SEC24B: variants seen among roughly 807,000 people sequenced by gnomAD.
The protein encoded by SEC24B is SEC24 homolog B, COPII component, also known as protein transport protein Sec24B.
SEC24B carries 45 observed loss-of-function variants against 142.8 expected under a neutral mutation model. The observed-to-expected ratio is 0.32, with a 90% confidence interval of 0.25 to 0.40. The LOEUF (loss-of-function observed/expected upper bound fraction) is 0.40, where lower values mean the gene tolerates loss of function less well. Ranked by LOEUF, SEC24B falls within the 10% of genes least tolerant of loss-of-function variation. The pLI is 1.00. For missense variants in SEC24B, 1,409 were observed against 1,526.8 expected (o/e 0.92, Z 1.29); for synonymous variants, 574 against 568.2 (o/e 1.01, Z -0.15).
intron 11 of SEC24B, among the ~76,000 whole-genome samples, chr4:109,519,679 G>A (rs1723395541): frequency 6.6e-6 from 1 of 152,146 alleles, no homozygotes; most frequent in African/African-American, 2.4e-5. Context: ...CACATAACTT[G>A]TAGCTTTCTG....
At chr4:109,505,232 A>T (rs984907985) in intron 6 of SEC24B, among the ~76,000 whole-genome samples, 13 of 152,120 alleles carry the variant, frequency 8.5e-5, no homozygotes, top group Non-Finnish European at 1.5e-4. Context: ...AAATAAAATT[A>T]AAAAACCTGT....
rs1191202940 is a variant in SEC24B, at chr4:109,433,907, G to C, written c.38G>C (p.Ser13Thr). ...APAGSSHPAA[S>T]ARIPPKFGGA... is the part of the protein sequence containing the mutation. ...GCCGGGTCCTCTCACCCGGCCGCCA[G>C]CGCCCGGATCCCGCCCAAGTTCGGC... Residue 13 changes from serine (S) to threonine (T), a missense_variant, in exon 1 of 24, where the codon AGC (serine) becomes ACC (threonine). By Grantham distance (58) the Ser-to-Thr change is moderately conservative (BLOSUM62 1). This residue lies in a region of SEC24B where 709 missense variants were observed against 673.5 expected (regional missense o/e 1.05). Transcript: ENST00000265175. The C allele has an allele frequency of 7.5e-7, 1 of 1,339,790 alleles. No homozygotes were observed. The highest frequency in any genetic ancestry group is 1.5e-5 in the African/African-American group (1 of 65,452). The allele number at this position is 1,339,790 out of a possible 1,614,324, so 83.0% of individuals were successfully genotyped here.
Position 109,520,377 on chromosome 4 carries a change from A to T in SEC24B, c.2138A>T (p.Asp713Val). 1 of 1,600,754 alleles carries T rather than the reference A, an allele frequency of 6.2e-7. No homozygotes were observed. Among genetic ancestry groups the T allele is most frequent in the Non-Finnish European group, 8.5e-7 (1 of 1,170,832 alleles). The change falls in exon 12 of 24, where the codon GAT becomes GTT. Residue 713 changes from aspartate (D) to valine (V), a missense_variant. Transcript: ENST00000265175. ...LLENLDKLPG[D>V]SRTRIGFMTF... is the part of the protein sequence containing the mutation. ...ATTTTTATCTTTAGGCTTCCTGGAG[A>T]TTCACGAACAAGAATAGGATTCATG...
chr4:109,520,580 A>G, intron 12 of SEC24B, 96 bp downstream of exon 12: 1 of 766,698 alleles, frequency 1.3e-6, no homozygotes, highest in Admixed American at 2.2e-5. Context: ...CTGTGAGGAT[A>G]ATGTCATGCA....
chr4:109,489,179 G>A (rs772437781), intron 4 of SEC24B, among the ~76,000 whole-genome samples: 50 of 151,802 alleles, frequency 3.3e-4, no homozygotes, highest in Middle Eastern at 3.2e-3. Flanking sequence ...AATTCATTTA[G>A]TCATGAAGAT....
intron 20 of SEC24B, 36 bp from the exon 21 acceptor site, chr4:109,532,603 T>A: frequency 1.3e-6 from 2 of 1,488,072 alleles, no homozygotes; most frequent in Non-Finnish European, 1.9e-6. Context: ...ATGATAGTAA[T>A]GTAATCTCAT....
chr4:109,538,992 G>A (rs945714952), intron 23 of SEC24B, among the ~76,000 whole-genome samples: 4 of 150,602 alleles, frequency 2.7e-5, no homozygotes, highest in Admixed American at 2.0e-4. Flanking sequence ...ACAAAGTTTC[G>A]CTCTTGTCAC....
chr4:109,488,078 A>T (rs532270937), intron 4 of SEC24B, among the ~76,000 whole-genome samples: 2 of 152,162 alleles, frequency 1.3e-5, no homozygotes, highest in African/African-American at 4.8e-5. Context: ...TTTTTCTTAG[A>T]ATGCCCATGA....
intron 9 of SEC24B, among the ~76,000 whole-genome samples, chr4:109,513,334 A>C (rs918807436): frequency 2.1e-5 from 3 of 144,986 alleles, no homozygotes; most frequent in African/African-American, 7.8e-5. Context: ...CCTAGGCTGG[A>C]GTGCAGTGGT....
At chr4:109,477,136 C>G (rs1335182750) in intron 3 of SEC24B, among the ~76,000 whole-genome samples, 5 of 62,490 alleles carry the variant, frequency 8.0e-5, no homozygotes, top group Non-Finnish European at 1.3e-4. Context: ...GACTCCGTCT[C>G]AAATAAAAAA....
chr4:109,509,674 C>G (rs1737099830), intron 7 of SEC24B, among the ~76,000 whole-genome samples: 1 of 117,498 alleles, frequency 8.5e-6, no homozygotes, highest in Non-Finnish European at 1.6e-5. Flanking sequence ...AAGACTCCAT[C>G]TCAGAAAAAA....
chr4:109,526,926 C>T (rs867887902), intron 17 of SEC24B, among the ~76,000 whole-genome samples: 3 of 152,082 alleles, frequency 2.0e-5, no homozygotes, highest in African/African-American at 4.8e-5. Flanking sequence ...AATAAAAATT[C>T]GACTTGTGGC....
At chr4:109,455,963 C>G (rs1730625129) in intron 1 of SEC24B, among the ~76,000 whole-genome samples, 1 of 152,106 alleles carries the variant, frequency 6.6e-6, no homozygotes, top group Middle Eastern at 3.2e-3. Context: ...ATCTAAAGAT[C>G]AAAATTGAGA....
intron 1 of SEC24B, among the ~76,000 whole-genome samples, chr4:109,437,765 C>A (rs35450490): frequency 0.078 from 11,832 of 152,214 alleles, 592 homozygotes; most frequent in Middle Eastern, 0.18. Context: ...GCTGGGCCTA[C>A]AGGCGCACAC....
At chr4:109,533,545 G>A (rs368933498) in intron 21 of SEC24B, 48 bp from the exon 22 acceptor site, 11 of 1,132,892 alleles carry the variant, frequency 9.7e-6, no homozygotes, top group Non-Finnish European at 1.5e-5. Flanking sequence ...TAATGAAAAT[G>A]AATTAACTAT....
Position 109,538,477 on chromosome 4 carries a change from G to T in SEC24B, c.3589-16G>T, listed in dbSNP as rs373924934. The T allele has an allele frequency of 3.9e-6, 6 of 1,556,058 alleles. No homozygotes were observed. The highest frequency in any genetic ancestry group is 5.3e-6 in the Non-Finnish European group (6 of 1,128,002). ...TATGAGAAAGGAAAGTTTCCTAATT[G>T]TATTTCTTTTACCAGACACATCTTC... On this transcript the variant is annotated splice_polypyrimidine_tract_variant and intron_variant, in intron 22 of 23. Transcript: ENST00000265175.
At chr4:109,478,962 A>C (rs893941838) in intron 3 of SEC24B, among the ~76,000 whole-genome samples, 2 of 152,184 alleles carry the variant, frequency 1.3e-5, no homozygotes, top group Non-Finnish European at 2.9e-5. Context: ...GCAGTTACTC[A>C]AAAGTCTGAA....
intron 22 of SEC24B, 58 bp from the exon 23 acceptor site, chr4:109,538,435 C>T: frequency 1.7e-6 from 2 of 1,162,110 alleles, no homozygotes; most frequent in East Asian, 2.4e-5. Context: ...TGATTTTGTT[C>T]TATTACTGCT....
chr4:109,495,830 G>A (rs966952382), intron 6 of SEC24B, among the ~76,000 whole-genome samples: 13 of 152,194 alleles, frequency 8.5e-5, no homozygotes, highest in South Asian at 8.3e-4. Flanking sequence ...TGTCTGCAGC[G>A]CGACTTTACA....
Sources: gnomAD v4.1 joint callset for allele counts (sites outside exome capture counted in the v4.1 genomes callset) on GRCh38, gnomAD v4.1.1 for gene constraint, gnomAD v4.1.1 regional missense constraint, MANE v1.5 for transcripts, NCBI Gene and HGNC (gene_info 2026-07-23, HGNC 2026-07-21) for gene names.